The following LCN1 variants were observed in gnomAD, a reference collection of about 807,000 sequenced individuals.
LCN1 encodes lipocalin 1, also known as lipocalin-1.
LCN1 carries 25 observed loss-of-function variants against 22.3 expected under a neutral mutation model. That is an observed-to-expected ratio of 1.12 (90% CI 0.82 to 1.56). LCN1 has a LOEUF of 1.56. LCN1 is among the 40% of genes most tolerant of loss of function. The pLI, the probability that LCN1 is intolerant of heterozygous loss-of-function variation, is 0.00. For missense variants in LCN1, 219 were observed against 235.6 expected (o/e 0.93, Z 0.46); for synonymous variants, 85 against 97.6 (o/e 0.87, Z 0.76).
intron 3 of LCN1, 143 bp from the exon 4 acceptor site, chr9:135,523,737 G>A (rs1588382658): frequency 1.4e-6 from 1 of 692,936 alleles, no homozygotes; most frequent in East Asian, 2.7e-5. Context: ...AGGCCTGGTG[G>A]GGAACCTGGG....
At chr9:135,523,747 G>A in intron 3 of LCN1, 133 bp from the exon 4 acceptor site, 1 of 732,260 alleles carries the variant, frequency 1.4e-6, no homozygotes, top group Non-Finnish European at 2.3e-6. Flanking sequence ...GGGAACCTGG[G>A]TCAGGGAGCT....
At chr9:135,521,996 G>A (rs1443560039) in intron 1 of LCN1, 51 bp from the exon 2 acceptor site, 2 of 1,578,200 alleles carry the variant, frequency 1.3e-6, no homozygotes, top group South Asian at 1.2e-5. Context: ...CAGGGAAGGG[G>A]GAGGCTCTGG....
chr9:135,525,276 C>T (rs1186914867), intron 6 of LCN1, 118 bp downstream of exon 6: 1 of 993,994 alleles, frequency 1.0e-6, no homozygotes, highest in African/African-American at 1.6e-5. Flanking sequence ...GGAGATGCCC[C>T]ACGTAGGTCA....
Position 135,521,542 on chromosome 9 carries a change from C to T in LCN1, c.45C>T (p.Ala15=). ...LLAVSLGLIA[A]LQAHHLLASD... ...CCGTCAGCCTTGGCCTCATTGCTGC[C>T]CTGCAGGCCCACCACCTCCTGGCCT... The change falls in exon 1 of 7, where the codon GCC becomes GCT. Residue 15 remains alanine (A), a synonymous_variant. Transcript: ENST00000371781. 6.2e-7 allele frequency: 1 copy of T among 1,613,594 alleles called. No homozygotes were observed. Among genetic ancestry groups the T allele is most frequent in the Non-Finnish European group, 8.5e-7 (1 of 1,180,008 alleles).
chr9:135,523,510 C>A (rs1831551204), intron 3 of LCN1, among the ~76,000 whole-genome samples: 1 of 152,212 alleles, frequency 6.6e-6, no homozygotes, highest in African/African-American at 2.4e-5. Context: ...GCAGGTTTGT[C>A]CCGGGGCGGA....
At chr9:135,525,672 G>A (rs1421826336) in intron 6 of LCN1, among the ~76,000 whole-genome samples, 2 of 151,990 alleles carry the variant, frequency 1.3e-5, no homozygotes, top group Admixed American at 6.5e-5. Flanking sequence ...GGACAGCATC[G>A]CTGTCCTTCC....
rs1421077518 is a variant in LCN1 at position 135,522,023 on chromosome 9, C to A, written c.91-24C>A. Reference sequence around the variant, plus strand: ...AGGCTCTGGAGCAGTCGGCCTGAGCCTGATAGAGAGGGGCCTTCTCCAGGT... The same window carrying A: ...AGGCTCTGGAGCAGTCGGCCTGAGCATGATAGAGAGGGGCCTTCTCCAGGT... On this transcript the variant is annotated intron_variant, in intron 1 of 6. Transcript: ENST00000371781. 4.4e-6 allele frequency: 7 copies of A among 1,589,362 alleles called. No homozygotes were observed. The South Asian group carries it at 8.0e-5, about 18-fold the overall frequency.
At position 135,525,283 on chromosome 9, in the gene LCN1, G is replaced by A. The variant is rs1588384695; in HGVS notation, c.*1+125G>A. 10 of 922,898 alleles carry A rather than the reference G, an allele frequency of 1.1e-5. No individual in the cohort carries two copies. In the South Asian group the frequency reaches 1.7e-4, roughly 16 times the overall value. 57.2% of individuals were successfully genotyped at this position (922,898 alleles called of 1,614,324 possible). On this transcript the variant is annotated intron_variant, in intron 6 of 6. Transcript: ENST00000371781. ...CCTGGGTGGGAGATGCCCCACGTAG[G>A]TCAGGCAGGTGGGAGCTCTGCTCCT...
intron 5 of LCN1, 81 bp downstream of exon 5, chr9:135,525,012 G>A: frequency 6.4e-7 from 1 of 1,558,420 alleles, no homozygotes. Context: ...GCGCATAACT[G>A]TGCTGCGTCT....
chr9:135,524,732 G>T (rs1831586509), intron 4 of LCN1, 98 bp from the exon 5 acceptor site: 1 of 922,134 alleles, frequency 1.1e-6, no homozygotes, highest in East Asian at 2.7e-5. Flanking sequence ...GGTGGGCGAG[G>T]TCCCCTTCCC....
intron 3 of LCN1, 49 bp downstream of exon 3, chr9:135,523,351 T>G: frequency 6.4e-7 from 1 of 1,561,264 alleles, no homozygotes; most frequent in South Asian, 1.2e-5. Context: ...ACACGCTGGA[T>G]GTGCGGGGGC....
intron 4 of LCN1, 70 bp from the exon 5 acceptor site, chr9:135,524,760 C>A: frequency 7.8e-7 from 1 of 1,274,580 alleles, no homozygotes; most frequent in Non-Finnish European, 1.1e-6. Flanking sequence ...GCTCAGGCCT[C>A]CAGACTGGGA....
rs1383043017 is a variant in LCN1 at position 135,522,120 on chromosome 9, C to T, written c.164C>T (p.Thr55Ile). ...CCTGAGATGAATCTGGAATCGGTGA[C>T]ACCCATGACCCTCACGACCCTGGAA... Reference protein sequence around the residue: ...EFPEMNLESVTPMTLTTLEGG... With the variant: ...EFPEMNLESVIPMTLTTLEGG... The change falls in exon 2 of 7, where the codon ACA becomes ATA. Residue 55 changes from threonine (T) to isoleucine (I), a missense_variant. Thr to Ile is a moderately conservative substitution (Grantham distance 89). Coordinates refer to ENST00000371781, the MANE Select transcript of LCN1 (RefSeq NM_002297.4). 1 of 1,598,752 alleles carries T rather than the reference C, an allele frequency of 6.3e-7. No homozygotes were observed. Among genetic ancestry groups the T allele is most frequent in the Non-Finnish European group, 8.5e-7 (1 of 1,172,892 alleles).
At chr9:135,522,790 AT>A (rs112377568) in intron 2 of LCN1, among the ~76,000 whole-genome samples, 32 of 151,482 alleles carry the variant, frequency 2.1e-4, no homozygotes, top group East Asian at 1.4e-3. Context: ...AATGACCCCG[AT>A]TTTTTTTTCC....
intron 2 of LCN1, among the ~76,000 whole-genome samples, chr9:135,522,988 T>G (rs3827832): frequency 0.51 from 75,914 of 149,958 alleles, 20,393 homozygotes; most frequent in African/African-American, 0.71. Context: ...GGGCGGGGGG[T>G]TTGGGAAGGC....
In LCN1 at chr9:135,526,436, T is replaced by G; in HGVS notation, c.*94T>G. ...GGACATGGAAAAAGCTCCCCACCCC[T>G]GCAGAACGCGGCTGGCTGCACCCCT... is the stretch of plus-strand genomic sequence containing the variant. On this transcript the variant is annotated 3_prime_UTR_variant, in exon 7 of 7. Coordinates refer to ENST00000371781, the MANE Select transcript of LCN1 (RefSeq NM_002297.4). The G allele has an allele frequency of 7.8e-7, 1 of 1,285,358 alleles. No individual in the cohort carries two copies. Among genetic ancestry groups the G allele is most frequent in the South Asian group, 1.2e-5 (1 of 80,748 alleles). The allele number at this position is 1,285,358 out of a possible 1,614,324, so 79.6% of individuals were successfully genotyped here.
intron 6 of LCN1, among the ~76,000 whole-genome samples, chr9:135,525,552 G>A (rs890508023): frequency 6.6e-6 from 1 of 152,112 alleles, no homozygotes; most frequent in African/African-American, 2.4e-5. Flanking sequence ...AGTGGCAGGC[G>A]TGCCTGTGCT....
intron 2 of LCN1, 73 bp from the exon 3 acceptor site, chr9:135,523,159 T>G: frequency 7.1e-7 from 1 of 1,408,846 alleles, no homozygotes; most frequent in African/African-American, 1.4e-5. Flanking sequence ...TGCAGGGCAT[T>G]GCAGCATGGT....
In LCN1 at chr9:135,521,474, C is replaced by T. The variant is rs1256055708; in HGVS notation, c.-24C>T. On this transcript the variant is annotated 5_prime_UTR_variant, in exon 1 of 7. Coordinates refer to ENST00000371781, the MANE Select transcript of LCN1 (RefSeq NM_002297.4). Reference sequence around the variant, plus strand: ...CAGCCCCAGCAAGCGACCTGTCAGGCGGCCGTGGACTCAGACTCCGGAGAT... The same window carrying T: ...CAGCCCCAGCAAGCGACCTGTCAGGTGGCCGTGGACTCAGACTCCGGAGAT... The T allele has an allele frequency of 3.7e-6, 6 of 1,603,444 alleles. No homozygotes were observed. Among genetic ancestry groups the T allele is most frequent in the East Asian group, 2.2e-5 (1 of 44,822 alleles).
Sources: gnomAD v4.1 joint callset for allele counts (sites outside exome capture counted in the v4.1 genomes callset) on GRCh38, gnomAD v4.1.1 for gene constraint, MANE v1.5 for transcripts, NCBI Gene and HGNC (gene_info 2026-07-23, HGNC 2026-07-21) for gene names.